TENM1: variants seen among roughly 807,000 people sequenced by gnomAD.
TENM1 encodes the protein teneurin transmembrane protein 1.
Under a neutral mutation model 174.8 loss-of-function variants are expected in TENM1, and 35 were observed. That is an observed-to-expected ratio of 0.20 (90% CI 0.15 to 0.27). The LOEUF (loss-of-function observed/expected upper bound fraction) is 0.27, where lower values mean the gene tolerates loss of function less well. Among genes scored for constraint, TENM1 ranks in the 10% least tolerant of loss-of-function variants. The pLI is 1.00. For missense variants in TENM1, 1,633 were observed against 2,130.1 expected (o/e 0.77, Z 4.59); for synonymous variants, 781 against 798.7 (o/e 0.98, Z 0.37).
intron 22 of TENM1, among the ~76,000 whole-genome samples, chrX:124,469,912 T>A (rs1343431339): frequency 1.8e-5 from 2 of 111,357 alleles, no homozygotes; most frequent in Non-Finnish European, 3.8e-5. Flanking sequence ...CTCAAATTCA[T>A]TGATAATTAA....
At chrX:124,383,960 C>G in exon 30 of TENM1, 1 of 1,211,356 alleles carries the variant, frequency 8.3e-7, no homozygotes, top group Non-Finnish European at 1.1e-6. Context: ...TGTATTATCA[C>G]AGGCTACATA....
chrX:124,458,098 T>C (rs1196713611), intron 22 of TENM1, among the ~76,000 whole-genome samples: 1 of 112,008 alleles, frequency 8.9e-6, no homozygotes, highest in South Asian at 3.8e-4. Flanking sequence ...ATTGTGTAAC[T>C]GATTCAAAAA....
At chrX:125,048,943 T>TA in the TENM1 span, among the ~76,000 whole-genome samples, 3 of 111,631 alleles carry the variant, frequency 2.7e-5, no homozygotes, top group Non-Finnish European at 5.7e-5. Context: ...TTCACATCTG[T>TA]AAAATGGAGG....
chrX:124,376,984 C>T (rs1250514296), exon 32 of TENM1: 2 of 110,415 alleles, frequency 1.8e-5, no homozygotes, highest in African/African-American at 6.6e-5. Context: ...CTTTTCAATA[C>T]TTCGTTACTG....
chrX:124,709,895 C>A, intron 4 of TENM1, among the ~76,000 whole-genome samples: 1 of 111,126 alleles, frequency 9.0e-6, no homozygotes, highest in Non-Finnish European at 1.9e-5. Flanking sequence ...AAAGAAACTA[C>A]CCTTTAGTTG....
chrX:125,036,448 G>A, the TENM1 span, among the ~76,000 whole-genome samples: 60 of 111,733 alleles, frequency 5.4e-4, no homozygotes, highest in African/African-American at 1.9e-3. Context: ...TTGTAAAGGG[G>A]AGACATAAAG....
chrX:125,065,114 A>T, the TENM1 span, among the ~76,000 whole-genome samples: 1 of 111,906 alleles, frequency 8.9e-6, no homozygotes, highest in African/African-American at 3.2e-5. Context: ...AATCCAGAAG[A>T]CAAAGCACGA....
chrX:124,592,113 T>C (rs767499684), intron 11 of TENM1, among the ~76,000 whole-genome samples: 1 of 112,408 alleles, frequency 8.9e-6, no homozygotes, highest in South Asian at 3.6e-4. Context: ...GTTTAGCATA[T>C]TAATCTCTTC....
the TENM1 span, among the ~76,000 whole-genome samples, chrX:124,978,922 C>A: frequency 8.9e-6 from 1 of 112,274 alleles, no homozygotes; most frequent in Admixed American, 9.5e-5. Context: ...CAGCCTCAGT[C>A]AGAAACATGC....
chrX:124,584,756 T>C (rs1350340672), intron 11 of TENM1, among the ~76,000 whole-genome samples: 1 of 110,760 alleles, frequency 9.0e-6, no homozygotes, highest in Non-Finnish European at 1.9e-5. Context: ...GGATAAAGAG[T>C]CAAGATCCAT....
chrX:124,994,216 C>CTTTTT, the TENM1 span, among the ~76,000 whole-genome samples: 10 of 50,774 alleles, frequency 2.0e-4, no homozygotes, highest in South Asian at 1.8e-3. Context: ...AATTGACTGA[C>CTTTTT]TTTTTTTTTT....
the TENM1 span, among the ~76,000 whole-genome samples, chrX:125,006,846 C>T: frequency 9.0e-6 from 1 of 111,034 alleles, no homozygotes; most frequent in Admixed American, 9.6e-5. Context: ...AAAGAACCTC[C>T]CCCCAACAAA....
chrX:124,650,200 CAAAAAAAAAAAAAAAAA>C (rs755570562), intron 8 of TENM1, among the ~76,000 whole-genome samples: 4 of 24,844 alleles, frequency 1.6e-4, no homozygotes, highest in Admixed American at 1.4e-3. Flanking sequence ...AAACTGTCTC[CAAAAAAAAAAAAAAAAA>C]AAAAAAAAAA....
intron 11 of TENM1, among the ~76,000 whole-genome samples, chrX:124,631,820 C>T (rs1196973614): frequency 4.2e-5 from 4 of 95,572 alleles, no homozygotes; most frequent in African/African-American, 8.0e-5. Context: ...GAATCACGGG[C>T]GAAGGTTGCA....
chrX:124,544,920 T>G (rs1199799611), intron 15 of TENM1, among the ~76,000 whole-genome samples: 1 of 111,353 alleles, frequency 9.0e-6, no homozygotes, highest in Non-Finnish European at 1.9e-5. Context: ...ACATAATGTA[T>G]GTTTGTTTGC....
At chrX:124,660,297 C>A (rs752894381) in intron 6 of TENM1, among the ~76,000 whole-genome samples, 54 of 107,607 alleles carry the variant, frequency 5.0e-4, no homozygotes, top group African/African-American at 1.7e-3. Context: ...ATGGCGTGAA[C>A]CCGGGAGGCA....
exon 24 of TENM1, chrX:124,422,372 G>A (rs746427619): frequency 8.3e-7 from 1 of 1,211,453 alleles, no homozygotes; most frequent in African/African-American, 1.7e-5. Flanking sequence ...GCTGAATGCG[G>A]TTTACTTTCC....
intron 19 of TENM1, among the ~76,000 whole-genome samples, 172 bp from the exon 23 acceptor site, chrX:124,497,437 C>A (rs1602541955): frequency 9.0e-6 from 1 of 111,425 alleles, no homozygotes; most frequent in East Asian, 2.9e-4. Flanking sequence ...AACTGCATAA[C>A]CACAACAAAT....
At chrX:124,414,222 G>A (rs2060568748) in intron 25 of TENM1, among the ~76,000 whole-genome samples, 1 of 111,859 alleles carries the variant, frequency 8.9e-6, no homozygotes. Context: ...TCTCCTTCAA[G>A]TGGGAGGGCT....
Sources: gnomAD v4.1 joint callset for allele counts (sites outside exome capture counted in the v4.1 genomes callset) on GRCh38, gnomAD v4.1.1 for gene constraint, MANE v1.5 for transcripts, NCBI Gene and HGNC (gene_info 2026-07-23, HGNC 2026-07-21) for gene names.